TBCK: variants seen among roughly 807,000 people sequenced by gnomAD.
The protein encoded by TBCK is TBC1 domain containing kinase.
Under a neutral mutation model 113.4 loss-of-function variants are expected in TBCK, and 99 were observed. The observed-to-expected ratio is 0.87, with a 90% CI of 0.74 to 1.03. TBCK has a LOEUF of 1.03. TBCK is among the 50% of genes least tolerant of loss of function. TBCK has a pLI of 0.00. For missense variants in TBCK, 1,045 were observed against 1,061.3 expected (o/e 0.98, Z 0.21); for synonymous variants, 369 against 370.8 (o/e 1.00, Z 0.05).
chr4:106,310,843 T>C (rs1768124457), intron 1 of TBCK, among the ~76,000 whole-genome samples: 1 of 152,240 alleles, frequency 6.6e-6, no homozygotes, highest in South Asian at 2.1e-4. Context: ...ACTGAAATAA[T>C]TTATGAAAAA....
chr4:106,214,685 A>C, intron 19 of TBCK, among the ~76,000 whole-genome samples: 2 of 152,178 alleles, frequency 1.3e-5, no homozygotes, highest in Non-Finnish European at 2.9e-5. Flanking sequence ...AAAAGAAACG[A>C]GCAAAGCCTC....
At chr4:106,111,506 G>A (rs1208658773) in intron 24 of TBCK, among the ~76,000 whole-genome samples, 1 of 152,200 alleles carries the variant, frequency 6.6e-6, no homozygotes, top group Non-Finnish European at 1.5e-5. Context: ...GATTTCATTG[G>A]AAAGTGCTTC....
intron 25 of TBCK, among the ~76,000 whole-genome samples, chr4:106,065,539 G>A (rs778651528): frequency 1.6e-4 from 25 of 151,940 alleles, no homozygotes; most frequent in Non-Finnish European, 2.8e-4. Context: ...AGATGCAGTC[G>A]ACATTTGTTT....
chr4:106,217,672 G>C (rs1024482012), intron 19 of TBCK, among the ~76,000 whole-genome samples: 8 of 150,472 alleles, frequency 5.3e-5, no homozygotes, highest in African/African-American at 1.7e-4. Flanking sequence ...GGATGTGAAG[G>C]ACCTCTTCAA....
chr4:106,291,484 A>G (rs918650498), intron 3 of TBCK, among the ~76,000 whole-genome samples: 2 of 152,218 alleles, frequency 1.3e-5, no homozygotes, highest in East Asian at 1.9e-4. Flanking sequence ...TTTGTATGCT[A>G]TGTGGCGACC....
chr4:106,169,983 A>T (rs1314958327), intron 23 of TBCK, among the ~76,000 whole-genome samples: 1 of 152,066 alleles, frequency 6.6e-6, no homozygotes, highest in Non-Finnish European at 1.5e-5. Flanking sequence ...CAAGTAAGGG[A>T]GCAGTGGCCG....
At chr4:106,073,352 C>T (rs1304356884) in intron 25 of TBCK, among the ~76,000 whole-genome samples, 1 of 152,166 alleles carries the variant, frequency 6.6e-6, no homozygotes, top group Non-Finnish European at 1.5e-5. Flanking sequence ...TCTAACAGGT[C>T]CCTCAGCTGC....
At chr4:106,066,370 C>A (rs1421869885) in intron 25 of TBCK, among the ~76,000 whole-genome samples, 1 of 151,884 alleles carries the variant, frequency 6.6e-6, no homozygotes, top group East Asian at 1.9e-4. Flanking sequence ...ACCCAAAATA[C>A]CTTCAGAGGT....
At chr4:106,122,596 C>T (rs1052681639) in intron 23 of TBCK, among the ~76,000 whole-genome samples, 2 of 152,224 alleles carry the variant, frequency 1.3e-5, no homozygotes, top group Non-Finnish European at 2.9e-5. Context: ...AGACCAACAT[C>T]CCTGATGAAC....
chr4:106,095,033 A>T (rs1001535831), intron 25 of TBCK, among the ~76,000 whole-genome samples: 5 of 152,128 alleles, frequency 3.3e-5, no homozygotes, highest in African/African-American at 1.2e-4. Flanking sequence ...AAGCCATTTT[A>T]TTGTTTCATG....
intron 5 of TBCK, among the ~76,000 whole-genome samples, chr4:106,257,819 C>T (rs138581890): frequency 3.4e-3 from 521 of 151,972 alleles, no homozygotes; most frequent in Non-Finnish European, 4.3e-3. Flanking sequence ...TTACTGCCTA[C>T]GTCACAAAGC....
At chr4:106,200,751 A>G (rs1266537859) in intron 20 of TBCK, among the ~76,000 whole-genome samples, 1 of 152,134 alleles carries the variant, frequency 6.6e-6, no homozygotes, top group Non-Finnish European at 1.5e-5. Context: ...GCATAGAAAA[A>G]TGTCTGGCAC....
At chr4:106,269,400 AT>A (rs1240562973) in intron 3 of TBCK, among the ~76,000 whole-genome samples, 1 of 150,878 alleles carries the variant, frequency 6.6e-6, no homozygotes, top group Non-Finnish European at 1.5e-5. Context: ...GAGGCTTTTA[AT>A]TTGACACTTA....
intron 25 of TBCK, among the ~76,000 whole-genome samples, chr4:106,065,269 C>T (rs981346212): frequency 2.0e-5 from 3 of 152,000 alleles, no homozygotes; most frequent in Admixed American, 2.0e-4. Context: ...GAGATTAATT[C>T]AGCATGCTTC....
intron 23 of TBCK, among the ~76,000 whole-genome samples, chr4:106,149,194 C>T (rs1369104133): frequency 6.6e-6 from 1 of 152,214 alleles, no homozygotes; most frequent in Non-Finnish European, 1.5e-5. Flanking sequence ...ATCTTCTATC[C>T]AGACCACTAA....
At chr4:106,214,052 C>T (rs1284529113) in intron 19 of TBCK, among the ~76,000 whole-genome samples, 4 of 152,140 alleles carry the variant, frequency 2.6e-5, no homozygotes, top group African/African-American at 9.7e-5. Context: ...TCAAGTGGGT[C>T]CCTGACCCCT....
At chr4:106,084,608 C>T (rs751722107) in intron 25 of TBCK, among the ~76,000 whole-genome samples, 7 of 151,882 alleles carry the variant, frequency 4.6e-5, no homozygotes, top group East Asian at 1.9e-4. Context: ...AGATACTCCA[C>T]GAGAAGATCA....
intron 15 of TBCK, among the ~76,000 whole-genome samples, chr4:106,234,562 G>T (rs1759242314): frequency 6.6e-6 from 1 of 152,086 alleles, no homozygotes; most frequent in Non-Finnish European, 1.5e-5. Context: ...TTCTGCCTCA[G>T]CTTTCCAAGA....
In TBCK at chr4:106,045,395, T is replaced by C. The variant is rs1484411656; in HGVS notation, c.*1175A>G. 1 of 152,214 alleles carries C rather than the reference T, an allele frequency of 6.6e-6. No homozygotes were observed. Among genetic ancestry groups the C allele is most frequent in the Non-Finnish European group, 1.5e-5 (1 of 68,046 alleles). 9.4% of individuals were successfully genotyped at this position (152,214 alleles called of 1,614,324 possible). ...AAATTGTGAGATGTCTTAGATTTAA[T>C]GAAATATAATACTCATTTTAAAAAC... On this transcript the variant is annotated 3_prime_UTR_variant, in exon 26 of 26. Coordinates refer to ENST00000394708, the MANE Select transcript of TBCK (RefSeq NM_001163435.3).
Sources: allele counts gnomAD v4.1 joint callset (sites outside exome capture counted in the v4.1 genomes callset), GRCh38; gene constraint gnomAD v4.1.1; transcripts MANE v1.5; gene names NCBI Gene and HGNC (gene_info 2026-07-23, HGNC 2026-07-21).